The following NAV3 variants were observed in gnomAD, a reference collection of about 807,000 sequenced individuals.
NAV3 encodes neuron navigator 3.
In NAV3, 87 loss-of-function variants were observed where a neutral mutation model predicts 244.7. The observed-to-expected ratio is 0.36, with a 90% CI of 0.30 to 0.42. The LOEUF (loss-of-function observed/expected upper bound fraction) is 0.42, where lower values mean the gene tolerates loss of function less well. NAV3 is among the 20% of genes least tolerant of loss of function. The probability of loss-of-function intolerance (pLI) is 1.00; values close to 1 mark genes in which losing one functional copy is unlikely to be tolerated. For missense variants in NAV3, 2,663 were observed against 2,893.3 expected (o/e 0.92, Z 1.83); for synonymous variants, 1,126 against 1,042.2 (o/e 1.08, Z -1.55).
chr12:77,958,569 T>C (rs1248023066), intron 3 of NAV3, among the ~76,000 whole-genome samples: 1 of 152,140 alleles, frequency 6.6e-6, no homozygotes, highest in Non-Finnish European at 1.5e-5. Flanking sequence ...CTGTTTTTCT[T>C]TAGGGCATTA....
intron 2 of NAV3, among the ~76,000 whole-genome samples, chr12:77,603,255 G>A (rs1219686350): frequency 6.6e-6 from 1 of 152,010 alleles, no homozygotes; most frequent in Non-Finnish European, 1.5e-5. Flanking sequence ...GAAGTAATAA[G>A]TAATAAAGAG....
intron 9 of NAV3, chr12:78,037,057 G>A (rs896285996): frequency 1.4e-6 from 1 of 702,892 alleles, no homozygotes; most frequent in Non-Finnish European, 2.6e-6. Flanking sequence ...TATGCAGAGC[G>A]GCGCTCACTG....
At chr12:77,768,480 G>T (rs1869899707) in intron 2 of NAV3, among the ~76,000 whole-genome samples, 1 of 152,230 alleles carries the variant, frequency 6.6e-6, no homozygotes, top group South Asian at 2.1e-4. Context: ...ATCACCCAAA[G>T]ACTGGAGGGG....
chr12:78,045,446 C>T (rs967197066), intron 9 of NAV3, among the ~76,000 whole-genome samples: 3 of 152,082 alleles, frequency 2.0e-5, no homozygotes, highest in African/African-American at 7.2e-5. Context: ...CAGGTGTGTG[C>T]CACCATACCC....
intron 1 of NAV3, among the ~76,000 whole-genome samples, chr12:77,911,395 T>C (rs544426031): frequency 6.6e-6 from 1 of 152,140 alleles, no homozygotes; most frequent in Non-Finnish European, 1.5e-5. Flanking sequence ...TGATCCACCA[T>C]GCCAGAAATG....
At chr12:77,802,692 A>G (rs1290079123) in intron 2 of NAV3, among the ~76,000 whole-genome samples, 1 of 151,632 alleles carries the variant, frequency 6.6e-6, no homozygotes, top group Non-Finnish European at 1.5e-5. Context: ...TTTGAGATGG[A>G]GTCTCTGTTG....
At chr12:77,675,887 T>A (rs2137093897) in intron 2 of NAV3, among the ~76,000 whole-genome samples, 1 of 152,232 alleles carries the variant, frequency 6.6e-6, no homozygotes, top group African/African-American at 2.4e-5. Flanking sequence ...CATGGCCTTC[T>A]GTCCTGGACT....
chr12:78,105,494 T>TATTA (rs1395659758), intron 12 of NAV3, among the ~76,000 whole-genome samples: 1 of 152,082 alleles, frequency 6.6e-6, no homozygotes, highest in Non-Finnish European at 1.5e-5. Context: ...CACGTTTAAT[T>TATTA]ATTAATGAAG....
At chr12:77,915,910 G>C (rs568380503) in intron 1 of NAV3, among the ~76,000 whole-genome samples, 1 of 152,148 alleles carries the variant, frequency 6.6e-6, no homozygotes, top group South Asian at 2.1e-4. Context: ...ATGACATGAA[G>C]CTTACCTTCC....
intron 2 of NAV3, among the ~76,000 whole-genome samples, chr12:77,779,111 G>C (rs1323084650): frequency 1.3e-5 from 2 of 152,150 alleles, no homozygotes; most frequent in Admixed American, 1.3e-4. Flanking sequence ...TGACACTTTT[G>C]TGGCAATCTG....
At position 78,119,415 on chromosome 12, in the gene NAV3, A is replaced by T; in HGVS notation, c.3219A>T (p.Val1073=). The change falls in exon 15 of 40, where the codon GTA becomes GTT. Residue 1073 remains valine, a synonymous_variant. Coordinates refer to ENST00000397909, the MANE Select transcript of NAV3 (RefSeq NM_001024383.2). ...TTGGCTTTAAGAAACCAAGTGGAGT[A>T]GGGTCATCTGCCATGATCACCAGCA... ...SSFGFKKPSG[V]GSSAMITSSG... 1 of 1,614,192 alleles carries T rather than the reference A, an allele frequency of 6.2e-7. No homozygotes were observed. Among genetic ancestry groups the T allele is most frequent in the Non-Finnish European group, 8.5e-7 (1 of 1,180,032 alleles).
chr12:77,822,160 C>A (rs1565827148), intron 2 of NAV3, among the ~76,000 whole-genome samples: 1 of 152,132 alleles, frequency 6.6e-6, no homozygotes, highest in Non-Finnish European at 1.5e-5. Flanking sequence ...ATTTGCTCAA[C>A]TAACTCTATC....
At chr12:78,105,758 C>G (rs1188241795) in intron 12 of NAV3, among the ~76,000 whole-genome samples, 3 of 151,520 alleles carry the variant, frequency 2.0e-5, no homozygotes, top group African/African-American at 7.3e-5. Flanking sequence ...GTATCTTTAT[C>G]TTTTTTATTG....
chr12:78,118,903 TCA>T (rs1265873968), intron 14 of NAV3, among the ~76,000 whole-genome samples: 4 of 152,232 alleles, frequency 2.6e-5, no homozygotes, highest in African/African-American at 9.6e-5. Context: ...TATAATCATC[TCA>T]CAGATATTCA....
At chr12:77,814,966 T>G (rs1872471158) in intron 2 of NAV3, among the ~76,000 whole-genome samples, 1 of 152,136 alleles carries the variant, frequency 6.6e-6, no homozygotes, top group Non-Finnish European at 1.5e-5. Context: ...TCACTTACAT[T>G]GGCACTGTTC....
intron 12 of NAV3, among the ~76,000 whole-genome samples, chr12:78,089,882 G>T (rs1298171919): frequency 1.3e-5 from 2 of 152,070 alleles, no homozygotes; most frequent in Admixed American, 6.6e-5. Flanking sequence ...CTCCAGATGG[G>T]CTAATATCCT....
intron 2 of NAV3, among the ~76,000 whole-genome samples, chr12:77,790,325 AG>A (rs1334066601): frequency 2.6e-5 from 4 of 152,226 alleles, no homozygotes; most frequent in African/African-American, 4.8e-5. Context: ...CTAGCTCTTT[AG>A]GTGGTACTCA....
At chr12:77,576,107 A>G (rs1041959489) in intron 2 of NAV3, among the ~76,000 whole-genome samples, 3 of 152,058 alleles carry the variant, frequency 2.0e-5, no homozygotes, top group African/African-American at 7.2e-5. Flanking sequence ...AAATTCCAAC[A>G]CATCACATCT....
chr12:78,075,413 T>G (rs1013442974), intron 12 of NAV3, among the ~76,000 whole-genome samples: 1 of 151,782 alleles, frequency 6.6e-6, no homozygotes, highest in Non-Finnish European at 1.5e-5. Flanking sequence ...AAAACCGACT[T>G]GAGAAAAAAA....
Sources: gnomAD v4.1 joint callset for allele counts (sites outside exome capture counted in the v4.1 genomes callset) on GRCh38, gnomAD v4.1.1 for gene constraint, MANE v1.5 for transcripts, NCBI Gene and HGNC (gene_info 2026-07-23, HGNC 2026-07-21) for gene names.